The following FAT2 variants were observed in gnomAD, a reference collection of about 807,000 sequenced individuals.
FAT2 encodes the protein protocadherin Fat 2.
In FAT2, 150 loss-of-function variants were observed where a neutral mutation model predicts 295.3. The observed-to-expected ratio is 0.51, with a 90% CI of 0.44 to 0.58. The LOEUF (loss-of-function observed/expected upper bound fraction) is 0.58. Ranked by LOEUF, FAT2 falls within the 20% of genes least tolerant of loss-of-function variation. The pLI, the probability that FAT2 is intolerant of heterozygous loss-of-function variation, is 0.00. For synonymous variants in FAT2, 2,026 were observed against 2,150.3 expected, an observed-to-expected ratio of 0.94 and a Z score of 1.60; for missense variants, 4,868 against 5,442.7, an observed-to-expected ratio of 0.89 and a Z score of 3.32.
intron 17 of FAT2, among the ~76,000 whole-genome samples, chr5:151,526,492 A>G (rs952048198): frequency 2.0e-5 from 3 of 152,206 alleles, no homozygotes; most frequent in Non-Finnish European, 4.4e-5. Context: ...TAACATGGGC[A>G]TTTAGTATAC....
At chr5:151,556,216 T>G in intron 4 of FAT2, 128 bp downstream of exon 4, 1 of 755,832 alleles carries the variant, frequency 1.3e-6, no homozygotes, top group Non-Finnish European at 2.4e-6. Flanking sequence ...TCCAGCAAGG[T>G]TCAGCTCACG....
At chr5:151,537,724 C>T in intron 12 of FAT2, 69 bp downstream of exon 12, 1 of 1,471,116 alleles carries the variant, frequency 6.8e-7, no homozygotes. Context: ...AAGGAGAATA[C>T]CATGGCACTG....
chr5:151,566,041 A>G lies in FAT2; in HGVS notation c.2891T>C (p.Leu964Pro), dbSNP rs1388663967. The G allele has an allele frequency of 6.2e-7, 1 of 1,614,190 alleles. No homozygotes were observed. The highest frequency in any genetic ancestry group is 1.1e-5 in the South Asian group (1 of 91,078). The change falls in exon 2 of 24, where the codon CTG (leucine) becomes CCG (proline). Residue 964 changes from leucine (L) to proline (P), a missense_variant. By Grantham distance (98) the Leu-to-Pro change is moderately conservative (BLOSUM62 -3). Transcript: ENST00000261800. ...GAAGGTCCCATGGGCGCCATCCATCAGAACATATCGCACTTCACCTGCGGG... is the reference window on the plus strand; with the variant it reads ...GAAGGTCCCATGGGCGCCATCCATCGGAACATATCGCACTTCACCTGCGGG... ...LGPAGEVRYV[L>P]MDGAHGTFRV...
At position 151,566,820 on chromosome 5, in the gene FAT2, T is replaced by C. The variant is rs376386480; in HGVS notation, c.2112A>G (p.Thr704=). The C allele has an allele frequency of 2.4e-5, 38 of 1,614,104 alleles. No individual in the cohort carries two copies. Among genetic ancestry groups the C allele is most frequent in the Admixed American group, 3.3e-5 (2 of 60,008 alleles). ...GTGGGGTGTAATGATTAATCTGATA[T>C]GTGCTTAAAGAAGTGAATTCCTCAT... is the stretch of plus-strand genomic sequence containing the variant. ...SSDEEFTSLS[T]YQINHYTPQF... is the part of the protein sequence containing the mutation. The change falls in exon 2 of 24, where the codon ACA becomes ACG. Residue 704 remains threonine (T), a synonymous_variant. Transcript: ENST00000261800.
Position 151,512,658 on chromosome 5 carries a change from C to T in FAT2, c.11464-52G>A. The T allele has an allele frequency of 6.8e-7, 1 of 1,478,090 alleles. No homozygotes were observed. Among genetic ancestry groups the T allele is most frequent in the Non-Finnish European group, 9.1e-7 (1 of 1,093,186 alleles). The allele number at this position is 1,478,090 out of a possible 1,614,324, so 91.6% of individuals were successfully genotyped here. On this transcript the variant is annotated intron_variant, in intron 20 of 23. Coordinates refer to ENST00000261800, the MANE Select transcript of FAT2 (RefSeq NM_001447.3). The surrounding 1 kb of genome is among the most constrained non-coding windows in gnomAD (Gnocchi z 4.1). ...AGCAAAGCCAAGGAGTCCTTGTAAACCTGCTAAGAGGCTGCCAGTTCAAAG... is the reference window on the plus strand; with the variant it reads ...AGCAAAGCCAAGGAGTCCTTGTAAATCTGCTAAGAGGCTGCCAGTTCAAAG...
Position 151,566,237 on chromosome 5 carries a change from G to A in FAT2, c.2695C>T (p.Pro899Ser), listed in dbSNP as rs770851318. The A allele has an allele frequency of 2.5e-6, 4 of 1,614,152 alleles. No homozygotes were observed. Among genetic ancestry groups the A allele is most frequent in the Non-Finnish European group, 2.5e-6 (3 of 1,180,026 alleles). The change falls in exon 2 of 24, where the codon CCC (proline) becomes TCC (serine). Residue 899 changes from proline (P) to serine (S), a missense_variant. Physicochemically the swap from Pro to Ser is moderately conservative, Grantham distance 74. Transcript: ENST00000261800. ...GAGAAGAGCTGGTGGCCTTTGCTGG[G>A]CTGATCCCTGGCCTCCACCTTGAGT... ...YILKVEARDQ[P>S]SKGHQLFSVT...
Position 151,563,411 on chromosome 5 carries a change from TC to T in FAT2, c.3487del (p.Asp1163ThrfsTer10). On this transcript the variant is annotated frameshift_variant, in exon 3 of 24. Coordinates refer to ENST00000261800, the MANE Select transcript of FAT2 (RefSeq NM_001447.3). LOFTEE classifies it high-confidence loss of function. The stretch of plus-strand genomic sequence containing the variant: ...CTTCCCTTTGGAGCTGGAGTCTGGG[TC>T]CCAGGCATCCAGTTGAAGCACAGAG... ...GTSVLQLDAW[D>X]PDSSSKGKLT... is the part of the protein sequence containing the mutation. The T allele has an allele frequency of 6.2e-7, 1 of 1,614,186 alleles. No individual in the cohort carries two copies. The highest frequency in any genetic ancestry group is 2.2e-5 in the East Asian group (1 of 44,874).
At chr5:151,551,424 C>A (rs372340714) in intron 7 of FAT2, 43 bp downstream of exon 7, 2 of 1,600,100 alleles carry the variant, frequency 1.2e-6, no homozygotes, top group East Asian at 4.5e-5. Context: ...AGAAGGCCTT[C>A]CATCTCCTCT....
chr5:151,550,916 G>T, intron 7 of FAT2, 45 bp from the exon 8 acceptor site: 1 of 1,586,906 alleles, frequency 6.3e-7, no homozygotes, highest in Non-Finnish European at 8.6e-7. Flanking sequence ...AGCCCCAGGG[G>T]AACAGGGACT....
chr5:151,527,948 T>C, intron 16 of FAT2, 48 bp downstream of exon 16: 3 of 1,596,708 alleles, frequency 1.9e-6, no homozygotes, highest in Non-Finnish European at 2.6e-6. Flanking sequence ...AGTGGGACTG[T>C]GTCTCTGCTC....
chr5:151,558,382 G>A (rs112311454), intron 3 of FAT2, among the ~76,000 whole-genome samples: 1,784 of 152,240 alleles, frequency 0.012, 39 homozygotes, highest in African/African-American at 0.042. Context: ...TTGGGAGGCC[G>A]AAGCGGGCGG....
Position 151,543,725 on chromosome 5 carries a change from A to G in FAT2, c.7402T>C (p.Tyr2468His), listed in dbSNP as rs757273748. 1.9e-6 allele frequency: 3 copies of G among 1,614,208 alleles called. No homozygotes were observed. The South Asian group carries it at 3.3e-5, about 18-fold the overall frequency. ...DGVFRATVPV[Y>H]INTTNANKYS... is the part of the protein sequence containing the mutation. ...TTGTTGGCATTTGTAGTGTTGATGTACACAGGCACAGTTGCTCGGAAGACT... is the reference window on the plus strand; with the variant it reads ...TTGTTGGCATTTGTAGTGTTGATGTGCACAGGCACAGTTGCTCGGAAGACT... Residue 2468 changes from tyrosine to histidine, a missense_variant, in exon 10 of 24, where the codon TAC (tyrosine) becomes CAC (histidine). Physicochemically the swap from Tyr to His is moderately conservative, Grantham distance 83. Coordinates refer to ENST00000261800, the MANE Select transcript of FAT2 (RefSeq NM_001447.3).
Position 151,507,530 on chromosome 5 carries a change from C to T in FAT2, c.12141G>A (p.Gln4047=), listed in dbSNP as rs1482925165. 6.2e-7 allele frequency: 1 copy of T among 1,614,140 alleles called. No individual in the cohort carries two copies. The highest frequency in any genetic ancestry group is 1.1e-5 in the South Asian group (1 of 91,078). ...PEIQRGDWGQ[Q]ELLIITVAVA... ...CGGCCACTGTGATGATCAGTAACTC[C>T]TGCTGCCCCCAGTCCCCCCTTTGGA... The change falls in exon 23 of 24, where the codon CAG becomes CAA. Residue 4047 remains glutamine, a synonymous_variant. Transcript: ENST00000261800.
Position 151,545,140 on chromosome 5 carries a change from T to C in FAT2, c.5987A>G (p.His1996Arg). 1 of 1,614,216 alleles carries C rather than the reference T, an allele frequency of 6.2e-7. No homozygotes were observed. The highest frequency in any genetic ancestry group is 8.5e-7 in the Non-Finnish European group (1 of 1,180,034). Reference sequence around the variant, plus strand: ...AAAGTAGGAAAGGGTGTCATTCAAATGATTGCCCTGGGCACCAAGAATCAC... The same window carrying C: ...AAAGTAGGAAAGGGTGTCATTCAAACGATTGCCCTGGGCACCAAGAATCAC... The part of the protein sequence containing the change: ...ALVILGAQGN[H>R]LNDTLSYFLL... The change falls in exon 10 of 24, where the codon CAT (histidine) becomes CGT (arginine). Residue 1996 changes from histidine to arginine, a missense_variant. This residue lies in a region of FAT2 where 3,297 missense variants were observed against 3,669.4 expected (regional missense o/e 0.90). Coordinates refer to ENST00000261800, the MANE Select transcript of FAT2 (RefSeq NM_001447.3).
At chr5:151,538,386 G>A (rs772800235) in intron 11 of FAT2, among the ~76,000 whole-genome samples, 16 of 152,144 alleles carry the variant, frequency 1.1e-4, no homozygotes, top group South Asian at 2.1e-4. Flanking sequence ...CCTCTGTGGC[G>A]AGGCCATGCT....
At chr5:151,507,676 G>A in intron 22 of FAT2, 65 bp from the exon 23 acceptor site, 1 of 1,415,862 alleles carries the variant, frequency 7.1e-7, no homozygotes, top group Non-Finnish European at 9.5e-7. Flanking sequence ...CCCTCTTACA[G>A]AGATCTATGG....
intron 20 of FAT2, among the ~76,000 whole-genome samples, chr5:151,515,927 A>G (rs1752819223): frequency 6.6e-6 from 1 of 152,218 alleles, no homozygotes; most frequent in Non-Finnish European, 1.5e-5. Flanking sequence ...CAAAGTCCTT[A>G]CAATGTCCTA....
At chr5:151,554,708 A>G (rs2127632003) in intron 4 of FAT2, 35 bp from the exon 5 acceptor site, 1 of 1,536,666 alleles carries the variant, frequency 6.5e-7, no homozygotes, top group Non-Finnish European at 8.9e-7. Flanking sequence ...ACCTGAGCTG[A>G]CAATTGCAAA....
At chr5:151,527,600 T>C (rs141362434) in intron 16 of FAT2, among the ~76,000 whole-genome samples, 1 of 152,158 alleles carries the variant, frequency 6.6e-6, no homozygotes, top group African/African-American at 2.4e-5. Flanking sequence ...CTTGGGAAAG[T>C]GAATGAATTT....
Sources: gnomAD v4.1 joint callset for allele counts (sites outside exome capture counted in the v4.1 genomes callset) on GRCh38, gnomAD v4.1.1 for gene constraint, gnomAD v4.1.1 regional missense constraint, Gnocchi (gnomAD v3.1) non-coding constraint, MANE v1.5 for transcripts, NCBI Gene and HGNC (gene_info 2026-07-23, HGNC 2026-07-21) for gene names.